Variants in DLG2 observed in about 807,000 individuals in gnomAD.
DLG2 encodes disks large homolog 2.
A neutral mutation model predicts 132.5 loss-of-function variants in DLG2; 45 were observed. The observed-to-expected ratio is 0.34, with a 90% CI of 0.27 to 0.44. The LOEUF is 0.44. Ranked by LOEUF, DLG2 falls within the 20% of genes least tolerant of loss-of-function variation. DLG2 has a pLI of 1.00. For missense variants in DLG2, 1,045 were observed against 1,196.9 expected (o/e 0.87, Z 1.87); for synonymous variants, 424 against 419.6 (o/e 1.01, Z -0.13).
At chr11:85,112,337 A>G (rs1409732285) in intron 5 of DLG2, among the ~76,000 whole-genome samples, 2 of 152,054 alleles carry the variant, frequency 1.3e-5, no homozygotes, top group Non-Finnish European at 2.9e-5. Flanking sequence ...TACAAAAGAA[A>G]TTTATCTCTA....
intron 7 of DLG2, among the ~76,000 whole-genome samples, chr11:84,533,655 G>C (rs979014421): frequency 1.3e-5 from 2 of 151,950 alleles, no homozygotes; most frequent in Non-Finnish European, 2.9e-5. Context: ...AGAGAACACG[G>C]GAGACACTTT....
intron 6 of DLG2, among the ~76,000 whole-genome samples, chr11:84,747,022 G>A (rs1676827975): frequency 6.6e-6 from 1 of 152,156 alleles, no homozygotes; most frequent in African/African-American, 2.4e-5. Flanking sequence ...GGCCAGTCCA[G>A]AACCAAACAC....
At chr11:83,852,399 G>A (rs550145859) in intron 16 of DLG2, among the ~76,000 whole-genome samples, 40 of 152,182 alleles carry the variant, frequency 2.6e-4, no homozygotes, top group African/African-American at 9.2e-4. Context: ...CAGGTGCCTG[G>A]GCAGAAAGCC....
chr11:85,459,975 T>C (rs934124627), intron 3 of DLG2, among the ~76,000 whole-genome samples: 2 of 152,194 alleles, frequency 1.3e-5, no homozygotes, highest in Admixed American at 6.5e-5. Context: ...CATTAAGTAC[T>C]CTGCAGAGCC....
intron 6 of DLG2, among the ~76,000 whole-genome samples, chr11:84,694,182 G>C (rs754750877): frequency 1.3e-5 from 2 of 151,552 alleles, no homozygotes; most frequent in African/African-American, 2.4e-5. Context: ...ACTTGATCTG[G>C]TTCTTAAGAC....
At chr11:85,037,683 A>G (rs188453419) in intron 6 of DLG2, among the ~76,000 whole-genome samples, 2 of 152,264 alleles carry the variant, frequency 1.3e-5, no homozygotes, top group Admixed American at 1.3e-4. Context: ...ACTTACTTGA[A>G]GTTCATCTAT....
intron 14 of DLG2, among the ~76,000 whole-genome samples, chr11:83,931,599 T>C (rs894360359): frequency 6.6e-6 from 1 of 152,238 alleles, no homozygotes; most frequent in Non-Finnish European, 1.5e-5. Context: ...GAATTCTTTA[T>C]TCAGTTTCTC....
intron 8 of DLG2, among the ~76,000 whole-genome samples, chr11:84,244,284 A>G (rs2097272990): frequency 1.3e-5 from 2 of 152,000 alleles, no homozygotes; most frequent in African/African-American, 4.8e-5. Context: ...CCCGGGTTCA[A>G]GTGATTCTCT....
intron 10 of DLG2, among the ~76,000 whole-genome samples, chr11:84,095,217 A>G (rs1051169716): frequency 3.3e-5 from 5 of 152,144 alleles, no homozygotes; most frequent in African/African-American, 1.2e-4. Flanking sequence ...CTGCTTAGAG[A>G]CAGAGAGGGA....
At chr11:84,903,396 C>T (rs2091132181) in intron 6 of DLG2, among the ~76,000 whole-genome samples, 1 of 152,116 alleles carries the variant, frequency 6.6e-6, no homozygotes, top group Non-Finnish European at 1.5e-5. Flanking sequence ...CCCAACACCC[C>T]TTTGCGTAGT....
intron 3 of DLG2, among the ~76,000 whole-genome samples, chr11:85,534,651 T>C (rs1229248532): frequency 6.6e-6 from 1 of 152,220 alleles, no homozygotes; most frequent in African/African-American, 2.4e-5. Context: ...TCCAGCTGCA[T>C]CCATGTTGCC....
At chr11:84,616,426 T>C (rs2099604555) in intron 6 of DLG2, among the ~76,000 whole-genome samples, 1 of 152,134 alleles carries the variant, frequency 6.6e-6, no homozygotes, top group African/African-American at 2.4e-5. Flanking sequence ...GTTAGGATGA[T>C]GATTTTAAAA....
intron 11 of DLG2, among the ~76,000 whole-genome samples, chr11:84,005,973 T>C (rs1270372189): frequency 6.6e-6 from 1 of 151,866 alleles, no homozygotes; most frequent in Admixed American, 6.6e-5. Flanking sequence ...ATCTCACTAC[T>C]GGGTATCTAT....
chr11:83,556,797 C>A (rs558959939), intron 19 of DLG2, among the ~76,000 whole-genome samples: 1 of 152,140 alleles, frequency 6.6e-6, no homozygotes, highest in African/African-American at 2.4e-5. Context: ...AGAAACTCAG[C>A]CACATTAATT....
chr11:85,373,447 T>C (rs1372522861), intron 3 of DLG2, among the ~76,000 whole-genome samples: 2 of 152,138 alleles, frequency 1.3e-5, no homozygotes, highest in African/African-American at 2.4e-5. Flanking sequence ...GCATTTAAGA[T>C]CAGTCTTCAT....
At position 84,786,321 on chromosome 11, in the gene DLG2, A is replaced by G. The variant is rs1387608278; in HGVS notation, c.358-251590T>C. Reference sequence around the variant, plus strand: ...ACACTCATAAGAAGATAGTTGGTCTATCCTGACCATATGGAAAATAATGAA... The same window carrying G: ...ACACTCATAAGAAGATAGTTGGTCTGTCCTGACCATATGGAAAATAATGAA... On this transcript the variant is annotated intron_variant, in intron 6 of 27. Coordinates refer to ENST00000376104, the MANE Select transcript of DLG2 (RefSeq NM_001142699.3). 3.3e-5 allele frequency among the ~76,000 whole-genome samples: 5 copies of G among 152,214 alleles called. 1 individual carries two copies. Among genetic ancestry groups the G allele is most frequent in the South Asian group, 2.1e-4 (1 of 4,828 alleles).
intron 6 of DLG2, among the ~76,000 whole-genome samples, chr11:84,617,844 T>C (rs2099607237): frequency 6.6e-6 from 1 of 152,070 alleles, no homozygotes; most frequent in African/African-American, 2.4e-5. Flanking sequence ...TAATATGCAC[T>C]GGAAATCAAG....
chr11:84,379,581 CA>C, intron 7 of DLG2, among the ~76,000 whole-genome samples: 1 of 151,706 alleles, frequency 6.6e-6, no homozygotes, highest in Middle Eastern at 3.4e-3. Flanking sequence ...ATAGGTAGCT[CA>C]AAAAAATACT....
intron 3 of DLG2, among the ~76,000 whole-genome samples, chr11:85,449,837 G>A (rs970945410): frequency 1.3e-5 from 2 of 149,180 alleles, no homozygotes; most frequent in Admixed American, 6.7e-5. Flanking sequence ...CAAAAATGAC[G>A]TAAATTTTGA....
Sources: allele counts gnomAD v4.1 joint callset (sites outside exome capture counted in the v4.1 genomes callset), GRCh38; gene constraint gnomAD v4.1.1; transcripts MANE v1.5; gene names NCBI Gene and HGNC (gene_info 2026-07-23, HGNC 2026-07-21).